Variants in TNFAIP8L1 observed in about 807,000 individuals in gnomAD.
TNFAIP8L1 encodes the protein tumor necrosis factor alpha-induced protein 8-like protein 1.
For missense variants in TNFAIP8L1, 225 were observed against 266.1 expected (o/e 0.85, Z 1.08); for synonymous variants, 127 against 125.6 (o/e 1.01, Z -0.08).
rs555961509 is a variant in TNFAIP8L1, at chr19:4,641,695, A to G, written c.-4+2066A>G. The stretch of plus-strand genomic sequence containing the variant: ...TTTGAGGGGTGGGGGAGATTCAACA[A>G]GATATTGTTAAAAGCCCGAGGAGGG... On this transcript the variant is annotated intron_variant, in intron 1 of 1. Transcript: ENST00000327473. This position sits in a 1 kb window ranked among gnomAD's most constrained non-coding sequence, Gnocchi z 4.6. The G allele has an allele frequency of 6.6e-6, 1 of 152,270 alleles. No individual in the cohort carries two copies. The highest frequency in any genetic ancestry group is 2.4e-5 in the African/African-American group (1 of 41,554). The allele number at this position is 152,270 out of a possible 1,614,324, so 9.4% of individuals were successfully genotyped here. A position where few individuals can be genotyped will look rare whatever the true frequency, so the allele number is the denominator to read the frequency against.
At chr19:4,647,312 T>C (rs955785689) in intron 1 of TNFAIP8L1, among the ~76,000 whole-genome samples, 1 of 152,036 alleles carries the variant, frequency 6.6e-6, no homozygotes, top group Non-Finnish European at 1.5e-5. Flanking sequence ...CTGGGTTTTT[T>C]TGTTTTGTTT....
chr19:4,648,660 C>G (rs1250763295), intron 1 of TNFAIP8L1, among the ~76,000 whole-genome samples: 1 of 152,158 alleles, frequency 6.6e-6, no homozygotes, highest in African/African-American at 2.4e-5. Flanking sequence ...AGGCCTGACT[C>G]CCGTCCGGAA....
At chr19:4,650,298 C>CTTGGGG (rs1319423724) in intron 1 of TNFAIP8L1, among the ~76,000 whole-genome samples, 37 of 150,544 alleles carry the variant, frequency 2.5e-4, no homozygotes, top group Non-Finnish European at 4.7e-4. Flanking sequence ...GAGGCAGGGG[C>CTTGGGG]TTGGGGGCCA....
intron 1 of TNFAIP8L1, 132 bp from the exon 2 acceptor site, chr19:4,651,735 A>G: frequency 9.6e-7 from 1 of 1,041,002 alleles, no homozygotes; most frequent in Non-Finnish European, 1.3e-6. Flanking sequence ...GGCGTGAGCC[A>G]CTGCGTCCGG....
In TNFAIP8L1 at chr19:4,652,730, C is replaced by T. The variant is rs2088382210; in HGVS notation, c.*300C>T. 1.6e-5 allele frequency: 6 copies of T among 368,558 alleles called. No homozygotes were observed. Among genetic ancestry groups the T allele is most frequent in the South Asian group, 2.2e-4 (2 of 9,018 alleles). The allele number at this position is 368,558 out of a possible 1,614,324, so 22.8% of individuals were successfully genotyped here. On this transcript the variant is annotated 3_prime_UTR_variant, in exon 2 of 2. Transcript: ENST00000327473. ...TTCTGGGCCACGCCGACCCCTGGGT[C>T]GCTTGATGTAAAAGCCAAAAGCTGC...
chr19:4,647,295 C>T (rs997760009), intron 1 of TNFAIP8L1, among the ~76,000 whole-genome samples: 2 of 152,026 alleles, frequency 1.3e-5, no homozygotes, highest in African/African-American at 2.4e-5. Context: ...TCTGAGGAGC[C>T]GTCGGACTGG....
chr19:4,652,093 G>C lies in TNFAIP8L1; in HGVS notation c.224G>C (p.Arg75Pro). ...KVALKLGLLL[R>P]GDQLGGEELA... ...GCCCTGAAGCTGGGACTGCTGCTGC[G>C]TGGGGACCAGCTGGGCGGTGAGGAG... The change falls in exon 2 of 2, where the codon CGT (arginine) becomes CCT (proline). Residue 75 changes from arginine (R) to proline (P), a missense_variant. Coordinates refer to ENST00000327473, the MANE Select transcript of TNFAIP8L1 (RefSeq NM_152362.3). The C allele has an allele frequency of 6.2e-7, 1 of 1,600,246 alleles. No homozygotes were observed. Among genetic ancestry groups the C allele is most frequent in the Non-Finnish European group, 8.5e-7 (1 of 1,173,652 alleles).
intron 1 of TNFAIP8L1, among the ~76,000 whole-genome samples, chr19:4,642,725 G>A (rs1266822056): frequency 6.6e-6 from 1 of 150,680 alleles, no homozygotes; most frequent in East Asian, 2.0e-4. Context: ...CTGGAGCAGT[G>A]AGGAGGAGGA....
chr19:4,647,973 G>C (rs145096395), intron 1 of TNFAIP8L1, among the ~76,000 whole-genome samples: 3 of 152,098 alleles, frequency 2.0e-5, no homozygotes, highest in East Asian at 1.9e-4. Context: ...TAGAAAGCCA[G>C]GGCCTTAGCA....
rs946849111 is a variant in TNFAIP8L1, at chr19:4,652,249, T to C, written c.380T>C (p.Leu127Pro). 1.3e-6 allele frequency: 2 copies of C among 1,557,828 alleles called. No individual in the cohort carries two copies. The highest frequency in any genetic ancestry group is 1.7e-6 in the Non-Finnish European group (2 of 1,155,022). The change falls in exon 2 of 2, where the codon CTG becomes CCG. Residue 127 changes from leucine (L) to proline (P), a missense_variant. Coordinates refer to ENST00000327473, the MANE Select transcript of TNFAIP8L1 (RefSeq NM_152362.3). ...GGGCTGCTCGAGTGCCGCGACCTGC[T>C]GCACCAGGCCGTGGGTCCCCACCTG... ...AAGLLECRDL[L>P]HQAVGPHLTA...
rs1403243726 is a variant in TNFAIP8L1, at chr19:4,654,748, TCTCAG to T, written c.*2324_*2328del. 3.9e-5 allele frequency: 6 copies of T among 152,196 alleles called. No individual in the cohort carries two copies. Among genetic ancestry groups the T allele is most frequent in the African/African-American group, 7.2e-5 (3 of 41,446 alleles). The allele number at this position is 152,196 out of a possible 1,614,324, so 9.4% of individuals were successfully genotyped here. ...GTACCACCCACGAGATGCGGGCGAT[TCTCAG>T]CTCAGGGCGTGGAGGCGTGGTGTGG... is the stretch of plus-strand genomic sequence containing the variant. On this transcript the variant is annotated 3_prime_UTR_variant, in exon 2 of 2. Coordinates refer to ENST00000327473, the MANE Select transcript of TNFAIP8L1 (RefSeq NM_152362.3).
rs1395115581 is a variant in TNFAIP8L1 at position 4,652,239 on chromosome 19, C to T, written c.370C>T (p.Arg124Cys). The change falls in exon 2 of 2, where the codon CGC (arginine) becomes TGC (cysteine). Residue 124 changes from arginine (R) to cysteine (C), a missense_variant. Arg to Cys is a radical substitution (Grantham distance 180). Transcript: ENST00000327473. Reference protein sequence around the residue: ...RVLAAGLLECRDLLHQAVGPH... With the variant: ...RVLAAGLLECCDLLHQAVGPH... Reference sequence around the variant, plus strand: ...GCTGGCCGCCGGGCTGCTCGAGTGCCGCGACCTGCTGCACCAGGCCGTGGG... The same window carrying T: ...GCTGGCCGCCGGGCTGCTCGAGTGCTGCGACCTGCTGCACCAGGCCGTGGG... 8.4e-6 allele frequency: 13 copies of T among 1,551,510 alleles called. No individual in the cohort carries two copies. Among genetic ancestry groups the T allele is most frequent in the South Asian group, 4.7e-5 (4 of 85,278 alleles).
intron 1 of TNFAIP8L1, among the ~76,000 whole-genome samples, chr19:4,651,225 C>T (rs989690996): frequency 6.6e-6 from 1 of 151,898 alleles, no homozygotes; most frequent in Admixed American, 6.6e-5. Context: ...CCCTTCTCAG[C>T]TCATAGCAAG....
chr19:4,651,818 A>G, intron 1 of TNFAIP8L1, 49 bp from the exon 2 acceptor site: 13 of 1,530,840 alleles, frequency 8.5e-6, no homozygotes, highest in Non-Finnish European at 1.1e-5. Context: ...CTTCTGTGTG[A>G]GGAGTGCCCC....
rs1324290244 is a variant in TNFAIP8L1 at position 4,654,106 on chromosome 19, A to G, written c.*1676A>G. ...TCAGACTTGCGGCCCAGAGAACTGAATGAGAATAAATGTGCGTGAAGCCCC... is the reference window on the plus strand; with the variant it reads ...TCAGACTTGCGGCCCAGAGAACTGAGTGAGAATAAATGTGCGTGAAGCCCC... On this transcript the variant is annotated 3_prime_UTR_variant, in exon 2 of 2. Coordinates refer to ENST00000327473, the MANE Select transcript of TNFAIP8L1 (RefSeq NM_152362.3). 2.6e-5 allele frequency: 4 copies of G among 152,158 alleles called. No homozygotes were observed. The highest frequency in any genetic ancestry group is 5.9e-5 in the Non-Finnish European group (4 of 68,078). 9.4% of individuals were successfully genotyped at this position (152,158 alleles called of 1,614,324 possible).
intron 1 of TNFAIP8L1, among the ~76,000 whole-genome samples, chr19:4,651,457 C>T (rs1215202544): frequency 6.6e-6 from 1 of 151,656 alleles, no homozygotes; most frequent in Non-Finnish European, 1.5e-5. Flanking sequence ...GGACCACAGG[C>T]ATGAACCACA....
chr19:4,641,510 G>A lies in TNFAIP8L1; in HGVS notation c.-4+1881G>A, dbSNP rs1275086673. Reference sequence around the variant, plus strand: ...ACACCCCTCAGCAGATGACCTCCCTGGAATCACACCCGCTCGAGCTTTGAC... The same window carrying A: ...ACACCCCTCAGCAGATGACCTCCCTAGAATCACACCCGCTCGAGCTTTGAC... On this transcript the variant is annotated intron_variant, in intron 1 of 1. Coordinates refer to ENST00000327473, the MANE Select transcript of TNFAIP8L1 (RefSeq NM_152362.3). The surrounding 1 kb of genome is among the most constrained non-coding windows in gnomAD (Gnocchi z 4.6). 1 of 152,134 alleles carries A rather than the reference G, an allele frequency of 6.6e-6. No individual in the cohort carries two copies. Among genetic ancestry groups the A allele is most frequent in the Non-Finnish European group, 1.5e-5 (1 of 68,084 alleles). 9.4% of individuals were successfully genotyped at this position (152,134 alleles called of 1,614,324 possible). A position where few individuals can be genotyped will look rare whatever the true frequency, so the allele number is the denominator to read the frequency against.
At chr19:4,648,298 G>A (rs1231150675) in intron 1 of TNFAIP8L1, among the ~76,000 whole-genome samples, 2 of 152,236 alleles carry the variant, frequency 1.3e-5, no homozygotes, top group East Asian at 3.9e-4. Flanking sequence ...TCCCTAGGAA[G>A]GCCCCTGCCC....
At chr19:4,643,679 T>C (rs1246915853) in intron 1 of TNFAIP8L1, among the ~76,000 whole-genome samples, 3 of 152,238 alleles carry the variant, frequency 2.0e-5, no homozygotes, top group African/African-American at 7.2e-5. Flanking sequence ...GGCTCATGCC[T>C]GTAATCCTAG....
Sources: gnomAD v4.1 joint callset for allele counts (sites outside exome capture counted in the v4.1 genomes callset) on GRCh38, gnomAD v4.1.1 for gene constraint, Gnocchi (gnomAD v3.1) non-coding constraint, MANE v1.5 for transcripts, NCBI Gene and HGNC (gene_info 2026-07-23, HGNC 2026-07-21) for gene names.